Variants in TBC1D5 observed in about 807,000 individuals in gnomAD.
The protein encoded by TBC1D5 is TBC1 domain family member 5.
Under a neutral mutation model 100.3 loss-of-function variants are expected in TBC1D5, and 75 were observed. That is an observed-to-expected ratio of 0.75 (90% CI 0.62 to 0.91). The LOEUF is 0.91. Ranked by LOEUF, TBC1D5 falls within the 40% of genes least tolerant of loss-of-function variation. TBC1D5 has a pLI of 0.00. For synonymous variants in TBC1D5, 323 were observed against 325.6 expected (o/e 0.99, Z 0.09); for missense variants, 910 against 942.4 (o/e 0.97, Z 0.45).
At position 17,167,934 on chromosome 3, in the gene TBC1D5, C is replaced by A. The variant is rs186086326; in HGVS notation, c.1853-106G>T. 5.7e-4 allele frequency: 426 copies of A among 751,924 alleles called. 2 individuals are homozygous for A. The African/African-American group carries it at 6.6e-3, about 12-fold the overall frequency. 46.6% of individuals were successfully genotyped at this position (751,924 alleles called of 1,614,324 possible). On this transcript the variant is annotated intron_variant, in intron 19 of 21. Coordinates refer to ENST00000253692, the Ensembl canonical transcript of TBC1D5. The stretch of plus-strand genomic sequence containing the variant: ...TTGGGAAGTTTTCTGCCAAATCTCA[C>A]AGCAACTACTCCCACAAAAGATGCT...
At chr3:17,242,131 T>C (rs1408270455) in intron 16 of TBC1D5, among the ~76,000 whole-genome samples, 2 of 152,200 alleles carry the variant, frequency 1.3e-5, no homozygotes, top group Non-Finnish European at 2.9e-5. Flanking sequence ...TGACCCGCAC[T>C]CTACTGAAAG....
intron 13 of TBC1D5, among the ~76,000 whole-genome samples, chr3:17,354,134 C>T (rs1457788008): frequency 1.3e-5 from 2 of 151,984 alleles, no homozygotes; most frequent in Non-Finnish European, 2.9e-5. Flanking sequence ...TTTTTCACAG[C>T]CTTATGTAGT....
At chr3:17,360,515 A>G (rs2151867945) in intron 13 of TBC1D5, among the ~76,000 whole-genome samples, 1 of 152,084 alleles carries the variant, frequency 6.6e-6, no homozygotes, top group Non-Finnish European at 1.5e-5. Flanking sequence ...GGTATGTTCT[A>G]TCATGAACTA....
At chr3:17,607,331 T>C (rs886653561) in intron 2 of TBC1D5, among the ~76,000 whole-genome samples, 1 of 152,182 alleles carries the variant, frequency 6.6e-6, no homozygotes. Context: ...TAAAATCCTT[T>C]TTAGAGCTTT....
intron 1 of TBC1D5, among the ~76,000 whole-genome samples, chr3:17,713,171 T>G (rs964888756): frequency 1.3e-5 from 2 of 152,122 alleles, no homozygotes; most frequent in South Asian, 4.1e-4. Flanking sequence ...ACCAAAAGTA[T>G]AAATAACAAC....
chr3:17,175,061 T>C (rs1463758618), intron 19 of TBC1D5, among the ~76,000 whole-genome samples: 1 of 152,212 alleles, frequency 6.6e-6, no homozygotes, highest in East Asian at 1.9e-4. Flanking sequence ...GGATCTTAGA[T>C]TGAGAAGTGG....
At chr3:17,619,642 A>T (rs1318144353) in intron 2 of TBC1D5, among the ~76,000 whole-genome samples, 2 of 152,204 alleles carry the variant, frequency 1.3e-5, no homozygotes, top group African/African-American at 2.4e-5. Context: ...GTACTTTTTA[A>T]AAGTGCAGGG....
chr3:17,327,323 T>A (rs1190003597), intron 13 of TBC1D5, among the ~76,000 whole-genome samples: 1 of 152,208 alleles, frequency 6.6e-6, no homozygotes, highest in Non-Finnish European at 1.5e-5. Flanking sequence ...TCCAGAGAGA[T>A]CGTTTCAAAA....
chr3:17,393,466 A>G (rs2093416291), intron 8 of TBC1D5, among the ~76,000 whole-genome samples: 1 of 152,194 alleles, frequency 6.6e-6, no homozygotes, highest in Non-Finnish European at 1.5e-5. Context: ...AGAATTAGAA[A>G]AAAATACTTT....
At chr3:17,468,297 C>G (rs568568751) in intron 3 of TBC1D5, among the ~76,000 whole-genome samples, 1 of 152,286 alleles carries the variant, frequency 6.6e-6, no homozygotes, top group Non-Finnish European at 1.5e-5. Context: ...ACCCTAGGAC[C>G]TTTACACTTG....
intron 13 of TBC1D5, among the ~76,000 whole-genome samples, chr3:17,343,879 T>C (rs2089423366): frequency 6.6e-6 from 1 of 152,194 alleles, no homozygotes; most frequent in South Asian, 2.1e-4. Context: ...TTAGTCTTGC[T>C]AGCGGTCTAT....
intron 4 of TBC1D5, among the ~76,000 whole-genome samples, chr3:17,419,945 G>A (rs150331735): frequency 5.9e-5 from 9 of 152,100 alleles, no homozygotes; most frequent in South Asian, 2.1e-4. Flanking sequence ...TGATCCTCCC[G>A]CCTCAGCCTG....
At chr3:17,386,213 C>G (rs946011749) in intron 8 of TBC1D5, among the ~76,000 whole-genome samples, 2 of 151,938 alleles carry the variant, frequency 1.3e-5, no homozygotes, top group Non-Finnish European at 2.9e-5. Flanking sequence ...GCTTCATTCC[C>G]AAAAATCTGG....
chr3:17,157,602 G>A (rs1237623686), exon 22 of TBC1D5: 1 of 152,322 alleles, frequency 6.6e-6, no homozygotes, highest in Non-Finnish European at 1.5e-5. Flanking sequence ...CGCAGGAAAG[G>A]AGGGATGGAA....
At chr3:17,662,144 T>C (rs958718419) in intron 1 of TBC1D5, among the ~76,000 whole-genome samples, 1 of 152,156 alleles carries the variant, frequency 6.6e-6, no homozygotes, top group Non-Finnish European at 1.5e-5. Context: ...CCTCTCACCT[T>C]GGCATCCCAA....
chr3:17,557,086 CAT>C (rs2096527011), intron 2 of TBC1D5, among the ~76,000 whole-genome samples: 1 of 152,160 alleles, frequency 6.6e-6, no homozygotes, highest in Non-Finnish European at 1.5e-5. Context: ...GAACGAAAAG[CAT>C]ATTAGTGCTG....
At chr3:17,524,303 T>C (rs940913113) in intron 2 of TBC1D5, among the ~76,000 whole-genome samples, 14 of 152,162 alleles carry the variant, frequency 9.2e-5, no homozygotes, top group Non-Finnish European at 1.6e-4. Flanking sequence ...TTTGAAGAAA[T>C]AGGCATTTTG....
intron 1 of TBC1D5, among the ~76,000 whole-genome samples, chr3:17,678,667 A>T (rs796314728): frequency 3.5e-4 from 8 of 23,042 alleles, no homozygotes; most frequent in African/African-American, 5.1e-4. Flanking sequence ...AAAGAGGGAT[A>T]AAAAAAAAAA....
chr3:17,546,005 A>G (rs987713986), intron 2 of TBC1D5, among the ~76,000 whole-genome samples: 11 of 152,360 alleles, frequency 7.2e-5, no homozygotes, highest in African/African-American at 2.6e-4. Context: ...CAGTTTGTAC[A>G]TAGCAAACTG....
Sources: allele counts gnomAD v4.1 joint callset (sites outside exome capture counted in the v4.1 genomes callset), GRCh38; gene constraint gnomAD v4.1.1; transcripts MANE v1.5; gene names NCBI Gene and HGNC (gene_info 2026-07-23, HGNC 2026-07-21).